PLPP4: variants seen among roughly 807,000 people sequenced by gnomAD.
PLPP4 encodes the protein diacylglycerol pyrophosphate like 2.
Under a neutral mutation model 32.2 loss-of-function variants are expected in PLPP4, and 20 were observed. The observed-to-expected ratio is 0.62, with a 90% confidence interval of 0.44 to 0.90. The LOEUF is 0.90. PLPP4 is among the 40% of genes least tolerant of loss of function. The probability of loss-of-function intolerance (pLI) is 0.00; values close to 1 mark genes in which losing one functional copy is unlikely to be tolerated. For missense variants in PLPP4, 257 were observed against 353.1 expected (o/e 0.73, Z 2.18); for synonymous variants, 127 against 133.0 (o/e 0.95, Z 0.31).
intron 5 of PLPP4, among the ~76,000 whole-genome samples, chr10:120,551,404 C>A (rs1847897281): frequency 6.6e-6 from 1 of 152,160 alleles, no homozygotes; most frequent in African/African-American, 2.4e-5. Context: ...TAAAAACATA[C>A]ATTCATAAAA....
chr10:120,572,020 G>A (rs927929638), intron 5 of PLPP4, among the ~76,000 whole-genome samples: 8 of 152,294 alleles, frequency 5.3e-5, no homozygotes, highest in South Asian at 2.1e-4. Context: ...GCCCAGTAGC[G>A]TGTGGGCAGG....
chr10:120,574,228 C>T (rs1297791024), intron 5 of PLPP4, among the ~76,000 whole-genome samples: 1 of 128,190 alleles, frequency 7.8e-6, no homozygotes, highest in East Asian at 2.5e-4. Flanking sequence ...TCTCTCAGCT[C>T]CCTCCAGACC....
Position 120,508,357 on chromosome 10 carries a change from C to T in PLPP4, c.165+4431C>T, listed in dbSNP as rs74618349. On this transcript the variant is annotated intron_variant, in intron 2 of 6. Coordinates refer to ENST00000398250, the MANE Select transcript of PLPP4 (RefSeq NM_001030059.3). ...TCTTAAAGTTGTCTTTATAATCACC[C>T]TGCAGCACACCTTTCTGTCAAAAGC... Among the ~76,000 whole-genome samples the T allele has an allele frequency of 1.9e-3, 289 of 152,286 alleles. 1 individual carries two copies. The highest frequency in any genetic ancestry group is 6.4e-3 in the African/African-American group (267 of 41,546).
At chr10:120,471,562 A>G (rs961298616) in intron 1 of PLPP4, among the ~76,000 whole-genome samples, 10 of 152,008 alleles carry the variant, frequency 6.6e-5, no homozygotes, top group African/African-American at 4.8e-5. Context: ...ACTACATTAT[A>G]TTTATTGAGA....
At chr10:120,569,715 C>A (rs1327695854) in intron 5 of PLPP4, among the ~76,000 whole-genome samples, 1 of 152,230 alleles carries the variant, frequency 6.6e-6, no homozygotes, top group African/African-American at 2.4e-5. Context: ...GGACCTTGGC[C>A]TCTTGCCAGA....
intron 1 of PLPP4, among the ~76,000 whole-genome samples, chr10:120,462,809 G>A (rs1048097764): frequency 7.9e-5 from 12 of 152,160 alleles, no homozygotes; most frequent in Non-Finnish European, 1.3e-4. Context: ...CTTATGTGCA[G>A]TCTAGCGAAT....
chr10:120,584,146 T>C (rs1398019341), intron 6 of PLPP4, among the ~76,000 whole-genome samples: 1 of 152,206 alleles, frequency 6.6e-6, no homozygotes, highest in Non-Finnish European at 1.5e-5. Flanking sequence ...CCCTTCTCTC[T>C]GCCTGGAAAA....
intron 5 of PLPP4, among the ~76,000 whole-genome samples, chr10:120,552,468 T>C (rs1477947062): frequency 6.6e-6 from 1 of 152,186 alleles, no homozygotes; most frequent in Admixed American, 6.5e-5. Flanking sequence ...CTAATTCTTT[T>C]TGACATTATC....
At chr10:120,566,197 TC>T (rs1848683528) in intron 5 of PLPP4, among the ~76,000 whole-genome samples, 1 of 152,226 alleles carries the variant, frequency 6.6e-6, no homozygotes. Context: ...TTATAGGTTC[TC>T]ATTTATGATG....
At chr10:120,483,018 G>T (rs1844281863) in intron 1 of PLPP4, among the ~76,000 whole-genome samples, 1 of 152,214 alleles carries the variant, frequency 6.6e-6, no homozygotes, top group African/African-American at 2.4e-5. Context: ...CATCTAATCA[G>T]CTGCTAGTGT....
intron 5 of PLPP4, among the ~76,000 whole-genome samples, chr10:120,539,781 A>T (rs896564074): frequency 6.6e-6 from 1 of 152,146 alleles, no homozygotes; most frequent in African/African-American, 2.4e-5. Context: ...TTTCTGGGTC[A>T]TGAGGAACTC....
At chr10:120,559,596 T>C (rs1312507374) in intron 5 of PLPP4, among the ~76,000 whole-genome samples, 1 of 152,066 alleles carries the variant, frequency 6.6e-6, no homozygotes, top group Non-Finnish European at 1.5e-5. Context: ...AGGTTTGAAC[T>C]GTGAGGGTGC....
At chr10:120,527,658 C>T (rs1292732982) in intron 5 of PLPP4, among the ~76,000 whole-genome samples, 1 of 152,176 alleles carries the variant, frequency 6.6e-6, no homozygotes, top group Non-Finnish European at 1.5e-5. Context: ...TGGTCTAATG[C>T]ATTCGTTGTA....
chr10:120,536,252 A>G (rs963734563), intron 5 of PLPP4, among the ~76,000 whole-genome samples: 11 of 152,124 alleles, frequency 7.2e-5, no homozygotes, highest in African/African-American at 2.7e-4. Flanking sequence ...ATCTTGAGCA[A>G]GAAGAAGAAA....
intron 1 of PLPP4, among the ~76,000 whole-genome samples, chr10:120,502,317 A>T (rs1240415930): frequency 6.6e-6 from 1 of 152,050 alleles, no homozygotes; most frequent in Non-Finnish European, 1.5e-5. Context: ...AGGACTTAAA[A>T]CCTCAGAGTT....
At chr10:120,574,168 A>ACACACTCTCT (rs1849090021) in intron 5 of PLPP4, among the ~76,000 whole-genome samples, 8 of 47,120 alleles carry the variant, frequency 1.7e-4, no homozygotes, top group Non-Finnish European at 2.9e-4. Flanking sequence ...ACACACACAC[A>ACACACTCTCT]CTCTCTCTCT....
chr10:120,515,331 C>A (rs1354578398), intron 3 of PLPP4, among the ~76,000 whole-genome samples: 1 of 152,190 alleles, frequency 6.6e-6, no homozygotes, highest in Non-Finnish European at 1.5e-5. Context: ...CCTCACACTC[C>A]CAGCCTGATT....
chr10:120,577,598 G>A (rs1003015206), intron 6 of PLPP4, among the ~76,000 whole-genome samples: 4 of 152,216 alleles, frequency 2.6e-5, no homozygotes, highest in Non-Finnish European at 5.9e-5. Flanking sequence ...TCCTGTGTGG[G>A]CTGTTGGGAA....
intron 3 of PLPP4, among the ~76,000 whole-genome samples, chr10:120,515,336 C>T (rs1389196514): frequency 6.6e-6 from 1 of 152,240 alleles, no homozygotes; most frequent in East Asian, 1.9e-4. Flanking sequence ...CACTCCCAGC[C>T]TGATTCTTCT....
Sources: gnomAD v4.1 joint callset for allele counts (sites outside exome capture counted in the v4.1 genomes callset) on GRCh38, gnomAD v4.1.1 for gene constraint, MANE v1.5 for transcripts, NCBI Gene and HGNC (gene_info 2026-07-23, HGNC 2026-07-21) for gene names.